Variants in VWA5B1 observed in about 807,000 individuals in gnomAD.
The protein encoded by VWA5B1 is von Willebrand factor A domain containing 5B1.
Under a neutral mutation model 118.2 loss-of-function variants are expected in VWA5B1, and 115 were observed. That is an observed-to-expected ratio of 0.97 (90% CI 0.84 to 1.14). VWA5B1 has a LOEUF of 1.14. VWA5B1 is among the 50% of genes most tolerant of loss of function. The pLI is 0.00. For synonymous variants in VWA5B1, 682 were observed against 658.4 expected, an observed-to-expected ratio of 1.04 and a Z score of -0.55; for missense variants, 1,596 against 1,603.8, an observed-to-expected ratio of 1.00 and a Z score of 0.08.
chr1:20,309,266 CAG>C (rs1249724044), intron 1 of VWA5B1, among the ~76,000 whole-genome samples: 1 of 152,196 alleles, frequency 6.6e-6, no homozygotes, highest in Non-Finnish European at 1.5e-5. Flanking sequence ...AAATGGGAAA[CAG>C]AGAGTAACAG....
chr1:20,329,830 A>G (rs768027323), intron 9 of VWA5B1, among the ~76,000 whole-genome samples: 9 of 152,118 alleles, frequency 5.9e-5, no homozygotes, highest in Non-Finnish European at 1.2e-4. Flanking sequence ...TTTCTAGTCC[A>G]GTGCTCTTTC....
Position 20,353,834 on chromosome 1 carries a change from G to A in VWA5B1, c.3219G>A (p.Lys1073=), listed in dbSNP as rs1307364872. 1 of 1,524,032 alleles carries A rather than the reference G, an allele frequency of 6.6e-7. No individual in the cohort carries two copies. The allele number at this position is 1,524,032 out of a possible 1,614,324, so 94.4% of individuals were successfully genotyped here. A position where few individuals can be genotyped will look rare whatever the true frequency, so the allele number is the denominator to read the frequency against. Residue 1073 remains lysine, a synonymous_variant, in exon 22 of 22, where the codon AAG becomes AAA. Transcript: ENST00000289815. ...FCEATHIPME[K]LKWTSPFTCH... ...AGGCCACGCACATCCCCATGGAGAA[G>A]CTCAAGTGGACGTCCCCCTTCACCT...
chr1:20,357,920 G>T lies in VWA5B1; in HGVS notation c.*3657G>T, dbSNP rs1479527278. 6.6e-6 allele frequency among the ~76,000 whole-genome samples: 1 copy of T among 152,156 alleles called. No homozygotes were observed. The highest frequency in any genetic ancestry group is 2.4e-5 in the African/African-American group (1 of 41,444). On this transcript the variant is annotated 3_prime_UTR_variant, in exon 22 of 22. Coordinates refer to ENST00000289815, the MANE Select transcript of VWA5B1 (RefSeq NM_001039500.3). ...TGGTGCTGGGGGCCTCCTTGTCCAG[G>T]TGGAGCAGGAATGTCCCTGCAACAG...
At chr1:20,341,185 G>T (rs1432277609) in intron 14 of VWA5B1, among the ~76,000 whole-genome samples, 1 of 152,128 alleles carries the variant, frequency 6.6e-6, no homozygotes, top group African/African-American at 2.4e-5. Flanking sequence ...GAACTTATTT[G>T]CCAACCCCTA....
At position 20,357,841 on chromosome 1, in the gene VWA5B1, G is replaced by T. The variant is rs2090256762; in HGVS notation, c.*3578G>T. ...CTGAGCTTTCAGGCTCTCATTTATG[G>T]TATGGGTACAGATGACCACAATAGC... On this transcript the variant is annotated 3_prime_UTR_variant, in exon 22 of 22. Coordinates refer to ENST00000289815, the MANE Select transcript of VWA5B1 (RefSeq NM_001039500.3). Among the ~76,000 whole-genome samples, 1 of 152,176 alleles carries T rather than the reference G, an allele frequency of 6.6e-6. No homozygotes were observed. Among genetic ancestry groups the T allele is most frequent in the African/African-American group, 2.4e-5 (1 of 41,428 alleles).
chr1:20,318,493 C>G, intron 5 of VWA5B1, 97 bp from the exon 6 acceptor site: 1 of 1,517,024 alleles, frequency 6.6e-7, no homozygotes, highest in Non-Finnish European at 8.9e-7. Context: ...GCTGGCATGT[C>G]ACTCATCTCT....
chr1:20,349,186 T>A (rs1387743448), intron 18 of VWA5B1: 1 of 447,966 alleles, frequency 2.2e-6, no homozygotes, highest in Non-Finnish European at 4.5e-6. Flanking sequence ...CCAGAGGAGC[T>A]CTTCAGAATC....
At chr1:20,333,035 G>A in intron 12 of VWA5B1, 84 bp downstream of exon 12, 1 of 1,467,740 alleles carries the variant, frequency 6.8e-7, no homozygotes, top group East Asian at 2.5e-5. Flanking sequence ...GACTATTTGT[G>A]ACAGCTAGAA....
In VWA5B1 at chr1:20,344,788, G is replaced by A. The variant is rs117946085; in HGVS notation, c.2627-668G>A. Among the ~76,000 whole-genome samples, 94 of 152,210 alleles carry A rather than the reference G, an allele frequency of 6.2e-4. 1 individual carries two copies. The South Asian group carries it at 9.6e-3, about 15-fold the overall frequency. ...TTTTACTTGTATTTTTGTATTGTAC[G>A]TGTTACTTTTTTTCTTCCCATGAGC... is the stretch of plus-strand genomic sequence containing the variant. On this transcript the variant is annotated intron_variant, in intron 16 of 21. Coordinates refer to ENST00000289815, the MANE Select transcript of VWA5B1 (RefSeq NM_001039500.3).
intron 17 of VWA5B1, 101 bp downstream of exon 17, chr1:20,345,694 C>T (rs892901141): frequency 1.2e-5 from 17 of 1,419,380 alleles, no homozygotes; most frequent in East Asian, 5.2e-5. Context: ...CAGCAGGGAG[C>T]GGGGTGAGAC....
intron 1 of VWA5B1, among the ~76,000 whole-genome samples, chr1:20,299,682 G>A (rs1012139693): frequency 6.6e-6 from 1 of 152,236 alleles, no homozygotes; most frequent in Non-Finnish European, 1.5e-5. Context: ...GGGATTACAG[G>A]CGTGAGCCAC....
chr1:20,295,652 G>T (rs1038584328), intron 1 of VWA5B1, among the ~76,000 whole-genome samples: 1 of 152,124 alleles, frequency 6.6e-6, no homozygotes, highest in East Asian at 1.9e-4. Flanking sequence ...TCCTTCCCTG[G>T]GTGCCACTGT....
At chr1:20,335,075 A>G (rs1265915282) in intron 12 of VWA5B1, among the ~76,000 whole-genome samples, 2 of 152,062 alleles carry the variant, frequency 1.3e-5, no homozygotes, top group Non-Finnish European at 2.9e-5. Context: ...TTGGGAGGCC[A>G]AGGTAGGTGC....
At chr1:20,346,940 G>T (rs985346994) in intron 17 of VWA5B1, among the ~76,000 whole-genome samples, 6 of 152,080 alleles carry the variant, frequency 3.9e-5, no homozygotes, top group Non-Finnish European at 8.8e-5. Flanking sequence ...TCAGGCAATG[G>T]AGTGGCCATT....
In VWA5B1 at chr1:20,323,590, T is replaced by G. The variant is rs192987302; in HGVS notation, c.1143+58T>G. The G allele has an allele frequency of 3.2e-5, 42 of 1,311,224 alleles. No individual in the cohort carries two copies. The East Asian group carries it at 1.3e-3, about 40-fold the overall frequency. The allele number at this position is 1,311,224 out of a possible 1,614,324, so 81.2% of individuals were successfully genotyped here. On this transcript the variant is annotated intron_variant, in intron 8 of 21. Transcript: ENST00000289815. ...GGGGCTCCAGGGGAAATCAGCTGTG[T>G]GCCCCCAATCCAGCTTCCTCAGCAC...
At chr1:20,337,599 T>A in intron 13 of VWA5B1, 47 bp from the exon 14 acceptor site, 1 of 1,504,022 alleles carries the variant, frequency 6.6e-7, no homozygotes, top group East Asian at 2.5e-5. Flanking sequence ...CCCCACTCTT[T>A]CCCTGCTGTC....
intron 1 of VWA5B1, among the ~76,000 whole-genome samples, chr1:20,307,382 C>T (rs1010766322): frequency 6.6e-6 from 1 of 152,218 alleles, no homozygotes; most frequent in Non-Finnish European, 1.5e-5. Context: ...GGGGATGGCC[C>T]TGGGCCCCTC....
At position 20,354,582 on chromosome 1, in the gene VWA5B1, A is replaced by C; in HGVS notation, c.*319A>C. 1 of 320,492 alleles carries C rather than the reference A, an allele frequency of 3.1e-6. No individual in the cohort carries two copies. The highest frequency in any genetic ancestry group is 5.8e-6 in the Non-Finnish European group (1 of 173,308). 19.9% of individuals were successfully genotyped at this position (320,492 alleles called of 1,614,324 possible). On this transcript the variant is annotated 3_prime_UTR_variant, in exon 22 of 22. Transcript: ENST00000289815. The stretch of plus-strand genomic sequence containing the variant: ...TGCCCATTCAGGCAGTCCCGGGCTG[A>C]CTGCTGCTGGGGCTGGCGAGGGAAG...
chr1:20,318,681 C>T lies in VWA5B1; in HGVS notation c.801C>T (p.His267=), dbSNP rs780938234. ...KSIIITLANK[H]TFDRPVEILI... The stretch of plus-strand genomic sequence containing the variant: ...TCATCATCACCTTGGCCAACAAGCA[C>T]ACCTTTGACCGGCCTGTGGAGATCC... Residue 267 remains histidine (H), a synonymous_variant, in exon 6 of 22, where the codon CAC becomes CAT. Transcript: ENST00000289815. 4.9e-5 allele frequency: 76 copies of T among 1,540,962 alleles called. No homozygotes were observed. The highest frequency in any genetic ancestry group is 1.7e-4 in the Middle Eastern group (1 of 5,964).
Sources: gnomAD v4.1 joint callset for allele counts (sites outside exome capture counted in the v4.1 genomes callset) on GRCh38, gnomAD v4.1.1 for gene constraint, MANE v1.5 for transcripts, NCBI Gene and HGNC (gene_info 2026-07-23, HGNC 2026-07-21) for gene names.